The following TRIM66 variants were observed in gnomAD, a reference collection of about 807,000 sequenced individuals.
TRIM66 encodes the protein tripartite motif containing 66.
In TRIM66, 99 loss-of-function variants were observed where a neutral mutation model predicts 148.2. The ratio of observed to expected loss-of-function variants is 0.67; its 90% CI spans 0.57 to 0.79. The LOEUF (loss-of-function observed/expected upper bound fraction) is 0.79. TRIM66 is among the 30% of genes least tolerant of loss of function. TRIM66 has a pLI of 0.00. For synonymous variants in TRIM66, 616 were observed against 635.9 expected (o/e 0.97, Z 0.47); for missense variants, 1,666 against 1,697.9 (o/e 0.98, Z 0.33).
At chr11:8,628,666 A>T (rs2035107430) in intron 15 of TRIM66, among the ~76,000 whole-genome samples, 1 of 149,762 alleles carries the variant, frequency 6.7e-6, no homozygotes, top group South Asian at 2.1e-4. Flanking sequence ...TTGGTACCAA[A>T]GCTACAACTT....
intron 18 of TRIM66, among the ~76,000 whole-genome samples, chr11:8,622,365 C>T (rs375629736): frequency 0.06 from 3,560 of 59,648 alleles, 520 homozygotes; most frequent in African/African-American, 0.17. Context: ...CACACACACA[C>T]ATATATATAT....
chr11:8,660,040 A>AT (rs1441282803), intron 6 of TRIM66, among the ~76,000 whole-genome samples: 1 of 151,656 alleles, frequency 6.6e-6, no homozygotes, highest in Non-Finnish European at 1.5e-5. Context: ...CAGCTAATTT[A>AT]TTTTTTATTT....
rs1245814408 is a variant in TRIM66 at position 8,618,089 on chromosome 11, G to A, written c.4120-86C>T. 5.4e-6 allele frequency: 7 copies of A among 1,304,824 alleles called. No homozygotes were observed. The African/African-American group carries it at 5.9e-5, about 11-fold the overall frequency. 80.8% of individuals were successfully genotyped at this position (1,304,824 alleles called of 1,614,324 possible). A position where few individuals can be genotyped will look rare whatever the true frequency, so the allele number is the denominator to read the frequency against. ...AAGGCTATGTCAAGATTGCAGTTCTGCCAAGTCAACGTATTTTATTCTACC... is the reference window on the plus strand; with the variant it reads ...AAGGCTATGTCAAGATTGCAGTTCTACCAAGTCAACGTATTTTATTCTACC... On this transcript the variant is annotated intron_variant, in intron 24 of 24. Transcript: ENST00000646038.
intron 8 of TRIM66, among the ~76,000 whole-genome samples, 179 bp from the exon 9 acceptor site, chr11:8,648,727 G>A (rs961728604): frequency 4.6e-5 from 7 of 152,182 alleles, no homozygotes; most frequent in African/African-American, 1.7e-4. Flanking sequence ...GGCTGAGCTT[G>A]GCTGGATTTG....
chr11:8,678,162 A>AAT (rs1334832646), intron 3 of TRIM66: 1 of 152,244 alleles, frequency 6.6e-6, no homozygotes, highest in Admixed American at 6.5e-5. Context: ...CACTTCTGGG[A>AAT]ATTTATCCTA....
In TRIM66 at chr11:8,640,794, C is replaced by G; in HGVS notation, c.1581G>C (p.Leu527=). The G allele has an allele frequency of 6.4e-7, 1 of 1,551,062 alleles. No homozygotes were observed. Among genetic ancestry groups the G allele is most frequent in the Non-Finnish European group, 8.7e-7 (1 of 1,146,992 alleles). ...ELACSPHPPK[L]LQPWLETQPP... is the part of the protein sequence containing the mutation. ...GCTGGGTTTCCAGCCAGGGCTGCAG[C>G]AGCTTTGGTGGATGAGGGCTGCAGG... The change falls in exon 14 of 25, where the codon CTG becomes CTC. Residue 527 remains leucine, a synonymous_variant. Coordinates refer to ENST00000646038, the MANE Select transcript of TRIM66 (RefSeq NM_001388022.1).
rs1221245536 is a variant in TRIM66 at position 8,619,405 on chromosome 11, C to T, written c.3878G>A (p.Trp1293Ter). 1.3e-6 allele frequency: 2 copies of T among 1,525,796 alleles called. No individual in the cohort carries two copies. The highest frequency in any genetic ancestry group is 1.8e-6 in the Non-Finnish European group (2 of 1,138,110). The allele number at this position is 1,525,796 out of a possible 1,614,324, so 94.5% of individuals were successfully genotyped here. A position where few individuals can be genotyped will look rare whatever the true frequency, so the allele number is the denominator to read the frequency against. The change falls in exon 23 of 25, where the codon TGG becomes TAG. Residue 1293 changes from tryptophan to a stop codon, truncating the protein, a stop_gained. Coordinates refer to ENST00000646038, the MANE Select transcript of TRIM66 (RefSeq NM_001388022.1). LOFTEE classifies it high-confidence loss of function. ...EVVSDVRLMF[W>*]NCAKFNYPDS... is the part of the protein sequence containing the mutation. ...TACATAATTGAACTTAGCACAGTTC[C>T]AGAACATGAGGCGCACATCTGATAC...
chr11:8,633,658 C>A (rs1285257764), intron 15 of TRIM66, among the ~76,000 whole-genome samples: 1 of 152,164 alleles, frequency 6.6e-6, no homozygotes, highest in Non-Finnish European at 1.5e-5. Flanking sequence ...GCTGTCAGGG[C>A]TAGGCTATGA....
At chr11:8,664,467 AGTT>A (rs1362738758) in intron 6 of TRIM66, among the ~76,000 whole-genome samples, 2 of 152,176 alleles carry the variant, frequency 1.3e-5, no homozygotes, top group Non-Finnish European at 2.9e-5. Flanking sequence ...ACCGGGCAGT[AGTT>A]GTTAACCTTA....
In TRIM66 at chr11:8,622,544, A is replaced by C. The variant is rs956409019; in HGVS notation, c.3080+272T>G. ...TCTGCATGGCCAGGCCCTGTCAGCC[A>C]CTGGGAAGCCCTATGGTGTAGTCCT... is the stretch of plus-strand genomic sequence containing the variant. On this transcript the variant is annotated intron_variant, in intron 18 of 24. Coordinates refer to ENST00000646038, the MANE Select transcript of TRIM66 (RefSeq NM_001388022.1). Among the ~76,000 whole-genome samples the C allele has an allele frequency of 2.6e-5, 4 of 151,132 alleles. No homozygotes were observed. The East Asian group carries it at 5.8e-4, about 22-fold the overall frequency.
intron 4 of TRIM66, 63 bp from the exon 5 acceptor site, chr11:8,672,448 T>G: frequency 7.0e-7 from 1 of 1,424,280 alleles, no homozygotes; most frequent in Non-Finnish European, 9.2e-7. Context: ...GACAGGCACT[T>G]TACATACTGT....
intron 6 of TRIM66, among the ~76,000 whole-genome samples, chr11:8,661,871 G>A (rs939419247): frequency 2.6e-5 from 4 of 152,024 alleles, no homozygotes; most frequent in Admixed American, 6.5e-5. Context: ...CAGCCATCTC[G>A]AGCTCCCTCC....
At chr11:8,646,683 C>G in intron 10 of TRIM66, 122 bp from the exon 11 acceptor site, 1 of 686,796 alleles carries the variant, frequency 1.5e-6, no homozygotes, top group Non-Finnish European at 2.5e-6. Flanking sequence ...TAGCAGACAC[C>G]AAATACAAAA....
At chr11:8,655,907 G>A (rs1042213383) in intron 6 of TRIM66, among the ~76,000 whole-genome samples, 2 of 152,224 alleles carry the variant, frequency 1.3e-5, no homozygotes, top group Non-Finnish European at 2.9e-5. Flanking sequence ...GAACAAGCTC[G>A]TAGTTGAAAG....
At chr11:8,663,520 T>C (rs2038396540) in intron 6 of TRIM66, among the ~76,000 whole-genome samples, 1 of 152,214 alleles carries the variant, frequency 6.6e-6, no homozygotes, top group South Asian at 2.1e-4. Context: ...CAGCCTCTAC[T>C]GTCTCGCTCT....
In TRIM66 at chr11:8,624,927, G is replaced by T. The variant is rs1348414669; in HGVS notation, c.2612C>A (p.Ala871Glu). ...NLISDSPQAM[A>E]SLASDHPQAG... Reference sequence around the variant, plus strand: ...CTGAGGGTGATCACTTGCCAGGCTTGCCATAGCCTGAGGGGAGTCACTTAT... The same window carrying T: ...CTGAGGGTGATCACTTGCCAGGCTTTCCATAGCCTGAGGGGAGTCACTTAT... The change falls in exon 16 of 25, where the codon GCA becomes GAA. Residue 871 changes from alanine to glutamate, a missense_variant. Around this residue, in one of 3 missense-constraint regions of TRIM66, gnomAD observed 1,431 missense variants for 1,412.4 expected, o/e 1.01. Coordinates refer to ENST00000646038, the MANE Select transcript of TRIM66 (RefSeq NM_001388022.1). 1.9e-6 allele frequency: 3 copies of T among 1,551,554 alleles called. No homozygotes were observed. The highest frequency in any genetic ancestry group is 2.6e-6 in the Non-Finnish European group (3 of 1,146,986).
intron 6 of TRIM66, among the ~76,000 whole-genome samples, chr11:8,654,092 T>A (rs1264340179): frequency 6.6e-6 from 1 of 152,154 alleles, no homozygotes; most frequent in Non-Finnish European, 1.5e-5. Context: ...CAAACATCAG[T>A]CATTGTAACA....
rs772939880 is a variant in TRIM66, at chr11:8,620,546, C to T, written c.3572G>A (p.Arg1191His). Residue 1191 changes from arginine to histidine, a missense_variant, in exon 21 of 25, where the codon CGC becomes CAC. Around this residue, in one of 3 missense-constraint regions of TRIM66, gnomAD observed 31 missense variants for 54.4 expected, o/e 0.57. Transcript: ENST00000646038. ...CTCCATCTCGGGCTGGGTCAGGCTGCGGCACAAGGTACACACCCACTCTCC... is the reference window on the plus strand; with the variant it reads ...CTCCATCTCGGGCTGGGTCAGGCTGTGGCACAAGGTACACACCCACTCTCC... ...PGGEWVCTLC[R>H]SLTQPEMEYD... 2.0e-5 allele frequency: 31 copies of T among 1,551,736 alleles called. No individual in the cohort carries two copies. The highest frequency in any genetic ancestry group is 1.5e-4 in the South Asian group (13 of 84,060).
chr11:8,682,127 A>C (rs2039462921), intron 1 of TRIM66, among the ~76,000 whole-genome samples: 1 of 152,236 alleles, frequency 6.6e-6, no homozygotes, highest in Non-Finnish European at 1.5e-5. Flanking sequence ...GCAACCAGGC[A>C]TCTAAGTCCC....
Sources: gnomAD v4.1 joint callset for allele counts (sites outside exome capture counted in the v4.1 genomes callset) on GRCh38, gnomAD v4.1.1 for gene constraint, gnomAD v4.1.1 regional missense constraint, MANE v1.5 for transcripts, NCBI Gene and HGNC (gene_info 2026-07-23, HGNC 2026-07-21) for gene names.